Variants in MAGI3 observed in about 807,000 individuals in gnomAD.
MAGI3 encodes the protein membrane-associated guanylate kinase, WW and PDZ domain-containing protein 3.
In MAGI3, 43 loss-of-function variants were observed where a neutral mutation model predicts 121.8. The ratio of observed to expected loss-of-function variants is 0.35; its 90% CI spans 0.28 to 0.46. MAGI3 has a LOEUF of 0.46. Ranked by LOEUF, MAGI3 falls within the 20% of genes least tolerant of loss-of-function variation. The probability of loss-of-function intolerance (pLI) is 1.00; values close to 1 mark genes in which losing one functional copy is unlikely to be tolerated. For missense variants in MAGI3, 1,547 were observed against 1,797.3 expected (o/e 0.86, Z 2.52); for synonymous variants, 553 against 639.3 (o/e 0.86, Z 2.04).
intron 19 of MAGI3, among the ~76,000 whole-genome samples, chr1:113,680,511 A>G (rs1026054320): frequency 1.3e-5 from 2 of 151,932 alleles, no homozygotes; most frequent in Admixed American, 1.3e-4. Flanking sequence ...TAATCCCAGC[A>G]CTTTAGGAGG....
At chr1:113,403,015 C>T (rs1056277371) in intron 1 of MAGI3, among the ~76,000 whole-genome samples, 1 of 152,104 alleles carries the variant, frequency 6.6e-6, no homozygotes, top group African/African-American at 2.4e-5. Flanking sequence ...AATCCATTTA[C>T]CACATACTCC....
intron 1 of MAGI3, among the ~76,000 whole-genome samples, chr1:113,426,265 A>G (rs2101402535): frequency 1.3e-5 from 2 of 152,292 alleles, no homozygotes; most frequent in South Asian, 4.1e-4. Flanking sequence ...AGAGAACACA[A>G]TCTATGATTT....
intron 1 of MAGI3, among the ~76,000 whole-genome samples, chr1:113,478,813 C>T (rs928754384): frequency 2.6e-5 from 4 of 152,194 alleles, no homozygotes; most frequent in African/African-American, 4.8e-5. Flanking sequence ...AGTCTGCAGA[C>T]GTTTTCTGCT....
chr1:113,546,919 A>G (rs916306805), intron 1 of MAGI3, among the ~76,000 whole-genome samples: 23 of 151,664 alleles, frequency 1.5e-4, no homozygotes, highest in South Asian at 4.2e-4. Flanking sequence ...CGTCTCTACT[A>G]AAAAACACAA....
chr1:113,472,980 AAGCG>A (rs1292827002), intron 1 of MAGI3, among the ~76,000 whole-genome samples: 3 of 152,210 alleles, frequency 2.0e-5, no homozygotes, highest in Non-Finnish European at 4.4e-5. Flanking sequence ...GTAGAGTTGA[AAGCG>A]ATTTACACAC....
At chr1:113,636,764 T>C (rs1044641371) in intron 9 of MAGI3, among the ~76,000 whole-genome samples, 2 of 152,052 alleles carry the variant, frequency 1.3e-5, no homozygotes, top group Non-Finnish European at 2.9e-5. Context: ...CAGAGCTGAG[T>C]TCAATTCCTG....
At chr1:113,621,013 A>T (rs1179038171) in intron 8 of MAGI3, among the ~76,000 whole-genome samples, 1 of 152,244 alleles carries the variant, frequency 6.6e-6, no homozygotes, top group East Asian at 1.9e-4. Context: ...GTGGTGGCAT[A>T]AAGACGGGAG....
chr1:113,677,857 T>G (rs1012429878), intron 19 of MAGI3, among the ~76,000 whole-genome samples: 2 of 152,250 alleles, frequency 1.3e-5, no homozygotes, highest in Non-Finnish European at 2.9e-5. Flanking sequence ...AATTATTTTT[T>G]ATCACATTTT....
chr1:113,418,619 C>T (rs1570647775), intron 1 of MAGI3, among the ~76,000 whole-genome samples: 1 of 152,014 alleles, frequency 6.6e-6, no homozygotes, highest in Non-Finnish European at 1.5e-5. Context: ...AATATGCCAT[C>T]TTCTTACACA....
At chr1:113,679,889 G>C (rs1648110211) in intron 19 of MAGI3, among the ~76,000 whole-genome samples, 2 of 151,868 alleles carry the variant, frequency 1.3e-5, no homozygotes, top group African/African-American at 4.8e-5. Context: ...ATTTTTAGTA[G>C]AGACCGGGTT....
intron 2 of MAGI3, among the ~76,000 whole-genome samples, chr1:113,565,485 C>G (rs903321717): frequency 6.6e-6 from 1 of 152,172 alleles, no homozygotes; most frequent in Non-Finnish European, 1.5e-5. Flanking sequence ...TTCACTTTCT[C>G]TCTTTGCATT....
chr1:113,683,200 T>C lies in MAGI3; in HGVS notation c.3632T>C (p.Val1211Ala). The C allele has an allele frequency of 4.3e-6, 7 of 1,613,696 alleles. No homozygotes were observed. The highest frequency in any genetic ancestry group is 5.9e-6 in the Non-Finnish European group (7 of 1,179,830). ...GHSNKKNLLK[V>A]ENGVTRRGRS... ...AGTAACAAGAAAAATCTATTAAAAGTAGAAAATGGTGTTACACGAAGAGGT... is the reference window on the plus strand; with the variant it reads ...AGTAACAAGAAAAATCTATTAAAAGCAGAAAATGGTGTTACACGAAGAGGT... Residue 1211 changes from valine to alanine, a missense_variant, in exon 21 of 21, where the codon GTA becomes GCA. Transcript: ENST00000307546.
intron 4 of MAGI3, 122 bp from the exon 5 acceptor site, chr1:113,590,362 A>G: frequency 1.1e-6 from 1 of 903,862 alleles, no homozygotes; most frequent in Non-Finnish European, 1.7e-6. Context: ...GAATGTGGAC[A>G]TAATAGACAA....
intron 1 of MAGI3, among the ~76,000 whole-genome samples, chr1:113,539,227 T>C (rs990226001): frequency 6.6e-6 from 1 of 151,958 alleles, no homozygotes; most frequent in Non-Finnish European, 1.5e-5. Context: ...ACCCCATCTC[T>C]ACTAAAAATA....
chr1:113,554,624 A>T (rs1659913949), intron 2 of MAGI3, among the ~76,000 whole-genome samples: 2 of 152,074 alleles, frequency 1.3e-5, no homozygotes, highest in South Asian at 4.1e-4. Flanking sequence ...GCAGAACAGG[A>T]CTATGATGCA....
intron 1 of MAGI3, among the ~76,000 whole-genome samples, chr1:113,472,117 T>A (rs1016258098): frequency 3.3e-5 from 5 of 152,182 alleles, no homozygotes; most frequent in Admixed American, 1.3e-4. Context: ...ACCATTTGCT[T>A]GGAATATCTT....
intron 1 of MAGI3, among the ~76,000 whole-genome samples, chr1:113,544,230 A>G (rs1425727494): frequency 6.6e-6 from 1 of 152,182 alleles, no homozygotes; most frequent in East Asian, 1.9e-4. Context: ...CCTTACTGCT[A>G]TAGATCTCAT....
chr1:113,672,555 C>CTT, intron 17 of MAGI3, 60 bp from the exon 18 acceptor site: 2 of 1,559,394 alleles, frequency 1.3e-6, no homozygotes, highest in Non-Finnish European at 1.7e-6. Flanking sequence ...AATTAATCTG[C>CTT]CTTTAGACTG....
At chr1:113,560,699 C>G (rs1418230237) in intron 2 of MAGI3, among the ~76,000 whole-genome samples, 2 of 152,030 alleles carry the variant, frequency 1.3e-5, no homozygotes, top group Non-Finnish European at 2.9e-5. Flanking sequence ...AACATCACAA[C>G]TAAAAGAACT....
Sources: gnomAD v4.1 joint callset for allele counts (sites outside exome capture counted in the v4.1 genomes callset) on GRCh38, gnomAD v4.1.1 for gene constraint, MANE v1.5 for transcripts, NCBI Gene and HGNC (gene_info 2026-07-23, HGNC 2026-07-21) for gene names.